The following HTR1F variants were observed in gnomAD, a reference collection of about 807,000 sequenced individuals.
HTR1F encodes the protein 5-hydroxytryptamine (serotonin) receptor 1F, G protein-coupled.
HTR1F carries 17 observed loss-of-function variants against 24.0 expected under a neutral mutation model. The observed-to-expected ratio is 0.71, with a 90% CI of 0.48 to 1.06. HTR1F has a LOEUF of 1.06. Ranked by LOEUF, HTR1F falls within the 50% of genes least tolerant of loss-of-function variation. The probability of loss-of-function intolerance (pLI) is 0.00; values close to 1 mark genes in which losing one functional copy is unlikely to be tolerated. For missense variants in HTR1F, 391 were observed against 427.8 expected, an observed-to-expected ratio of 0.91 and a Z score of 0.76; for synonymous variants, 186 against 156.8, an observed-to-expected ratio of 1.19 and a Z score of -1.39.
chr3:87,939,928 C>A lies in HTR1F; in HGVS notation c.-42-50780C>A, dbSNP rs529844500. Among the ~76,000 whole-genome samples the A allele has an allele frequency of 3.9e-5, 6 of 152,152 alleles. No homozygotes were observed. In the South Asian group the frequency reaches 1.0e-3, roughly 26 times the overall value. On this transcript the variant is annotated intron_variant, in intron 2 of 2. Transcript: ENST00000319595. ...TAGCTTTTGAATTTGTCTGCTCTTG[C>A]TTCTCTAGTTCTTTTAATTGTAATG...
chr3:87,848,301 G>T (rs2107196933), intron 2 of HTR1F, among the ~76,000 whole-genome samples: 1 of 151,890 alleles, frequency 6.6e-6, no homozygotes, highest in Admixed American at 6.6e-5. Context: ...CCTGCTGGCT[G>T]TTTGTATGTC....
chr3:87,869,759 G>A (rs1438666932), intron 2 of HTR1F, among the ~76,000 whole-genome samples: 1 of 152,084 alleles, frequency 6.6e-6, no homozygotes, highest in Non-Finnish European at 1.5e-5. Flanking sequence ...GCCTACCCAT[G>A]TTAGGAAGGG....
At chr3:87,987,615 A>AATATAT (rs10662382) in intron 2 of HTR1F, among the ~76,000 whole-genome samples, 1 of 110,554 alleles carries the variant, frequency 9.0e-6, no homozygotes, top group Non-Finnish European at 1.8e-5. Context: ...AAAATACGGA[A>AATATAT]ATATATATAT....
chr3:87,945,612 T>C (rs1229665408), intron 2 of HTR1F, among the ~76,000 whole-genome samples: 8 of 151,956 alleles, frequency 5.3e-5, no homozygotes, highest in Admixed American at 1.3e-4. Context: ...CCCAAGAAAA[T>C]TGAAAGCGGA....
chr3:87,842,562 T>G (rs761244310), intron 2 of HTR1F, among the ~76,000 whole-genome samples: 5 of 151,892 alleles, frequency 3.3e-5, no homozygotes, highest in African/African-American at 4.9e-5. Flanking sequence ...TAAGTTTCAA[T>G]AAAATAATTT....
At chr3:87,976,008 T>C (rs1338209581) in intron 2 of HTR1F, among the ~76,000 whole-genome samples, 1 of 152,216 alleles carries the variant, frequency 6.6e-6, no homozygotes, top group Non-Finnish European at 1.5e-5. Flanking sequence ...GAGTGCCCGA[T>C]AAATGTCAGT....
chr3:87,953,544 A>C (rs1576083480), intron 2 of HTR1F, among the ~76,000 whole-genome samples: 1 of 149,622 alleles, frequency 6.7e-6, no homozygotes, highest in South Asian at 2.1e-4. Flanking sequence ...AAAAAATGCC[A>C]GCAAGGATGC....
chr3:87,900,684 C>T (rs1183523088), intron 2 of HTR1F, among the ~76,000 whole-genome samples: 2 of 151,960 alleles, frequency 1.3e-5, no homozygotes, highest in Admixed American at 1.3e-4. Context: ...AAAGTTAGAG[C>T]CAATAAAATT....
At chr3:87,976,544 A>T (rs1198981423) in intron 2 of HTR1F, among the ~76,000 whole-genome samples, 12 of 152,108 alleles carry the variant, frequency 7.9e-5, no homozygotes. Flanking sequence ...ACTAAAATTA[A>T]TTTTCTTTTG....
chr3:87,987,405 T>C (rs1705685483), intron 2 of HTR1F, among the ~76,000 whole-genome samples: 1 of 151,500 alleles, frequency 6.6e-6, no homozygotes, highest in African/African-American at 2.4e-5. Flanking sequence ...ACTAAAAACA[T>C]ATATCAAGAA....
intron 2 of HTR1F, among the ~76,000 whole-genome samples, chr3:87,928,467 C>T (rs537648431): frequency 2.5e-3 from 380 of 152,192 alleles, no homozygotes; most frequent in Non-Finnish European, 4.3e-3. Context: ...TGTTCATATA[C>T]TATTTTATAT....
At chr3:87,858,251 T>C (rs189267393) in intron 2 of HTR1F, among the ~76,000 whole-genome samples, 2 of 152,290 alleles carry the variant, frequency 1.3e-5, no homozygotes, top group Admixed American at 1.3e-4. Context: ...TAAAATTTTA[T>C]ATAACTCAGG....
At chr3:87,958,881 C>T (rs1156321811) in intron 2 of HTR1F, among the ~76,000 whole-genome samples, 8 of 151,444 alleles carry the variant, frequency 5.3e-5, no homozygotes, top group African/African-American at 1.7e-4. Flanking sequence ...TTTTCCACTG[C>T]CACTTTCTCA....
intron 1 of HTR1F, among the ~76,000 whole-genome samples, chr3:87,795,339 C>A (rs1268445078): frequency 6.6e-6 from 1 of 152,136 alleles, no homozygotes; most frequent in African/African-American, 2.4e-5. Context: ...TCTTATCTAG[C>A]AAATGTGGTC....
At chr3:87,913,872 C>T (rs1276866140) in intron 2 of HTR1F, among the ~76,000 whole-genome samples, 1 of 151,968 alleles carries the variant, frequency 6.6e-6, no homozygotes, top group Non-Finnish European at 1.5e-5. Flanking sequence ...AGACAAGAGG[C>T]AGGACTAGAT....
At chr3:87,913,732 C>T (rs1703830928) in intron 2 of HTR1F, among the ~76,000 whole-genome samples, 1 of 152,142 alleles carries the variant, frequency 6.6e-6, no homozygotes, top group South Asian at 2.1e-4. Context: ...ACAATAAATA[C>T]ACCATGGAAT....
chr3:87,902,450 T>C (rs1329509547), intron 2 of HTR1F, among the ~76,000 whole-genome samples: 2 of 151,958 alleles, frequency 1.3e-5, no homozygotes, highest in East Asian at 1.9e-4. Context: ...TGTGAGAAGA[T>C]AGGAATAAAG....
At chr3:87,828,320 A>C (rs998201295) in intron 2 of HTR1F, among the ~76,000 whole-genome samples, 2 of 152,224 alleles carry the variant, frequency 1.3e-5, no homozygotes, top group Non-Finnish European at 2.9e-5. Flanking sequence ...AGCACTAAAA[A>C]AATTAGGCTT....
intron 2 of HTR1F, among the ~76,000 whole-genome samples, chr3:87,972,493 T>C (rs1160008260): frequency 6.6e-6 from 1 of 152,218 alleles, no homozygotes; most frequent in African/African-American, 2.4e-5. Flanking sequence ...TGATTAATCA[T>C]CTATGTATTT....
Sources: gnomAD v4.1 joint callset for allele counts (sites outside exome capture counted in the v4.1 genomes callset) on GRCh38, gnomAD v4.1.1 for gene constraint, MANE v1.5 for transcripts, NCBI Gene and HGNC (gene_info 2026-07-23, HGNC 2026-07-21) for gene names.